Variants in TMEM164 observed in about 807,000 individuals in gnomAD.
The protein encoded by TMEM164 is RP13-360B22.2.
In TMEM164, 4 loss-of-function variants were observed where a neutral mutation model predicts 18.8. The ratio of observed to expected loss-of-function variants is 0.21; its 90% CI spans 0.10 to 0.49. The LOEUF (loss-of-function observed/expected upper bound fraction) is 0.49, where lower values mean the gene tolerates loss of function less well. Among genes scored for constraint, TMEM164 ranks in the 20% least tolerant of loss-of-function variants. TMEM164 has a pLI of 0.98. For missense variants in TMEM164, 108 were observed against 239.9 expected, an observed-to-expected ratio of 0.45 and a Z score of 3.63; for synonymous variants, 86 against 101.7, an observed-to-expected ratio of 0.85 and a Z score of 0.93.
chrX:110,003,688 C>G lies in TMEM164; in HGVS notation c.-87C>G. 1 of 1,067,125 alleles carries G rather than the reference C, an allele frequency of 9.4e-7. No individual in the cohort carries two copies. Among genetic ancestry groups the G allele is most frequent in the Non-Finnish European group, 1.2e-6 (1 of 801,731 alleles). The allele number at this position is 1,067,125 out of a possible 1,213,427, so 87.9% of individuals were successfully genotyped here. A position where few individuals can be genotyped will look rare whatever the true frequency, so the allele number is the denominator to read the frequency against. On this transcript the variant is annotated 5_prime_UTR_variant, in exon 2 of 7. Transcript: ENST00000372068. ...GGGTTGTGGGGGTGTGCCCGCCTTACATGGTCCACCACCCGGGCAACCCTC... is the reference window on the plus strand; with the variant it reads ...GGGTTGTGGGGGTGTGCCCGCCTTAGATGGTCCACCACCCGGGCAACCCTC...
chrX:110,017,415 T>TTTCC (rs1236234390), intron 2 of TMEM164, among the ~76,000 whole-genome samples: 3,150 of 30,468 alleles, frequency 0.1, 370 homozygotes, highest in African/African-American at 0.18. Flanking sequence ...CCTTTCTTTC[T>TTTCC]TTCTTTCTTT....
chrX:110,177,210 T>C lies in TMEM164; in HGVS notation c.*3759T>C, dbSNP rs2067299909. The C allele has an allele frequency of 8.8e-6, 1 of 113,253 alleles. No homozygotes were observed. Among genetic ancestry groups the C allele is most frequent in the Non-Finnish European group, 1.9e-5 (1 of 53,426 alleles). The allele number at this position is 113,253 out of a possible 1,213,427, so 9.3% of individuals were successfully genotyped here. A position where few individuals can be genotyped will look rare whatever the true frequency, so the allele number is the denominator to read the frequency against. The stretch of plus-strand genomic sequence containing the variant: ...AGTCATTTCAAACAAAGCTGTTGTT[T>C]TGAAAACTCTTGCTTTCTTTTGGTG... On this transcript the variant is annotated 3_prime_UTR_variant, in exon 7 of 7. Coordinates refer to ENST00000372068, the MANE Select transcript of TMEM164 (RefSeq NM_032227.4).
In TMEM164 at chrX:110,079,694, G is replaced by A. The variant is rs943603027; in HGVS notation, c.440+12298G>A. On this transcript the variant is annotated intron_variant, in intron 3 of 6. Transcript: ENST00000372068. Reference sequence around the variant, plus strand: ...TGAGATGTCTGTGGTGTTGGCTATCGTTTCTGCTATTAATCATTGGTCTTC... The same window carrying A: ...TGAGATGTCTGTGGTGTTGGCTATCATTTCTGCTATTAATCATTGGTCTTC... Among the ~76,000 whole-genome samples the A allele has an allele frequency of 9.0e-5, 10 of 111,067 alleles. No individual in the cohort carries two copies. The South Asian group carries it at 1.5e-3, about 17-fold the overall frequency.
chrX:110,180,491 C>CA (rs2067319518), downstream of TMEM164, among the ~76,000 whole-genome samples: 1 of 103,532 alleles, frequency 9.7e-6, no homozygotes, highest in African/African-American at 4.3e-5. Flanking sequence ...CTGAACCCCC[C>CA]CGCCCCGCCC....
intron 2 of TMEM164, among the ~76,000 whole-genome samples, chrX:110,017,387 G>A (rs1231803880): frequency 1.6e-5 from 1 of 64,134 alleles, no homozygotes; most frequent in Non-Finnish European, 3.4e-5. Context: ...GGATCTCCTG[G>A]CTGCAGGCCA....
chrX:110,147,320 T>C (rs1441205307), intron 5 of TMEM164, among the ~76,000 whole-genome samples: 1 of 112,472 alleles, frequency 8.9e-6, no homozygotes, highest in Non-Finnish European at 1.9e-5. Context: ...TGACAAATTA[T>C]GCTTTTATAT....
At chrX:110,124,121 T>TGGAAGGAA (rs1200145593) in intron 4 of TMEM164, among the ~76,000 whole-genome samples, 847 of 65,306 alleles carry the variant, frequency 0.013, 13 homozygotes, top group Middle Eastern at 0.024. Flanking sequence ...TAATAACAAA[T>TGGAAGGAA]GGAAGGAAGG....
intron 5 of TMEM164, among the ~76,000 whole-genome samples, chrX:110,146,142 A>G (rs1374131928): frequency 1.8e-5 from 2 of 112,365 alleles, no homozygotes; most frequent in Non-Finnish European, 3.8e-5. Context: ...CAGCCTCTTA[A>G]TATTAAGTCT....
In TMEM164 at chrX:110,021,268, C is replaced by T. The variant is rs140446524; in HGVS notation, c.390+17104C>T. Among the ~76,000 whole-genome samples, 1,002 of 111,751 alleles carry T rather than the reference C, an allele frequency of 9.0e-3. 23 individuals carry two copies. The highest frequency in any genetic ancestry group is 0.069 in the Admixed American group (718 of 10,470). On this transcript the variant is annotated intron_variant, in intron 2 of 6. Transcript: ENST00000372068. ...TCAATGGACAAAGGAAGCCAACTCA[C>T]GAGAGAACATTTGGCAACTGAGAAA...
intron 2 of TMEM164, among the ~76,000 whole-genome samples, chrX:110,007,576 G>A (rs754343744): frequency 3.6e-5 from 4 of 112,337 alleles, no homozygotes; most frequent in Non-Finnish European, 7.5e-5. Context: ...AAATCACCCA[G>A]TAAGTTAGTG....
intron 5 of TMEM164, among the ~76,000 whole-genome samples, chrX:110,148,359 C>A (rs1158703843): frequency 1.8e-5 from 2 of 111,479 alleles, no homozygotes; most frequent in African/African-American, 6.5e-5. Context: ...CCACATCCAT[C>A]CCTATCTTCC....
intron 3 of TMEM164, among the ~76,000 whole-genome samples, chrX:110,101,721 A>C (rs1215424832): frequency 9.2e-6 from 1 of 108,452 alleles, no homozygotes; most frequent in Admixed American, 1.0e-4. Flanking sequence ...CTGGGACTAC[A>C]TGTTTGCACC....
At chrX:110,129,808 G>C (rs908540373) in intron 4 of TMEM164, among the ~76,000 whole-genome samples, 3 of 112,197 alleles carry the variant, frequency 2.7e-5, no homozygotes, top group African/African-American at 9.7e-5. Context: ...CCTACTGTGT[G>C]TCTAGTATTG....
At chrX:110,030,382 A>G (rs1299975266) in intron 2 of TMEM164, among the ~76,000 whole-genome samples, 1 of 107,014 alleles carries the variant, frequency 9.3e-6, no homozygotes, top group Non-Finnish European at 1.9e-5. Flanking sequence ...TGCCTCCCAA[A>G]GTGATGGGAT....
rs759393786 is a variant in TMEM164, at chrX:110,171,313, G to A, written c.587-107G>A. Reference sequence around the variant, plus strand: ...AGTAGTTGCCAGTGATCAGTAAAAGGAACAGTCATCAGGCAGCAGCTGTGA... The same window carrying A: ...AGTAGTTGCCAGTGATCAGTAAAAGAAACAGTCATCAGGCAGCAGCTGTGA... On this transcript the variant is annotated intron_variant, in intron 5 of 6. Transcript: ENST00000372068. 32 of 555,593 alleles carry A rather than the reference G, an allele frequency of 5.8e-5. 1 individual carries two copies. Among genetic ancestry groups the A allele is most frequent in the Non-Finnish European group, 8.4e-5 (28 of 334,055 alleles). 45.8% of individuals were successfully genotyped at this position (555,593 alleles called of 1,213,427 possible).
chrX:110,171,138 T>G (rs964558743), intron 5 of TMEM164, among the ~76,000 whole-genome samples: 2 of 111,237 alleles, frequency 1.8e-5, no homozygotes, highest in African/African-American at 6.6e-5. Flanking sequence ...AGAGACAAAC[T>G]CATGTGAAAA....
chrX:110,098,720 C>T (rs747492449), intron 3 of TMEM164, among the ~76,000 whole-genome samples: 6 of 110,486 alleles, frequency 5.4e-5, no homozygotes, highest in Non-Finnish European at 1.1e-4. Flanking sequence ...GCTTATTTGC[C>T]GTGAAAACAA....
chrX:110,013,165 C>T (rs1464437230), intron 2 of TMEM164, among the ~76,000 whole-genome samples: 1 of 112,208 alleles, frequency 8.9e-6, no homozygotes, highest in Non-Finnish European at 1.9e-5. Flanking sequence ...GGTATAAAGT[C>T]AGGGTGTATT....
At chrX:110,127,000 A>G (rs1035167061) in intron 4 of TMEM164, among the ~76,000 whole-genome samples, 6 of 110,961 alleles carry the variant, frequency 5.4e-5, no homozygotes, top group Non-Finnish European at 9.4e-5. Flanking sequence ...CTTATGCCAC[A>G]TGCACTGTAC....
Sources: allele counts gnomAD v4.1 joint callset (sites outside exome capture counted in the v4.1 genomes callset), GRCh38; gene constraint gnomAD v4.1.1; transcripts MANE v1.5; gene names NCBI Gene and HGNC (gene_info 2026-07-23, HGNC 2026-07-21).